The following LDLRAD3 variants were observed in gnomAD, a reference collection of about 807,000 sequenced individuals.
LDLRAD3 encodes low density lipoprotein receptor class A domain containing 3, also known as low-density lipoprotein receptor class A domain-containing protein 3.
In LDLRAD3, 20 loss-of-function variants were observed where a neutral mutation model predicts 29.4. The ratio of observed to expected loss-of-function variants is 0.68; its 90% CI spans 0.48 to 0.99. The LOEUF (loss-of-function observed/expected upper bound fraction) is 0.99. Ranked by LOEUF, LDLRAD3 falls within the 50% of genes least tolerant of loss-of-function variation. The pLI is 0.00. For missense variants in LDLRAD3, 420 were observed against 454.3 expected (o/e 0.92, Z 0.69); for synonymous variants, 157 against 192.7 (o/e 0.81, Z 1.53).
intron 1 of LDLRAD3, among the ~76,000 whole-genome samples, chr11:35,953,310 G>A (rs1207289839): frequency 2.0e-5 from 3 of 152,186 alleles, no homozygotes; most frequent in African/African-American, 4.8e-5. Flanking sequence ...TTGGGCATCC[G>A]GGTGCTGCAA....
chr11:36,192,752 G>C (rs942642375), intron 4 of LDLRAD3, among the ~76,000 whole-genome samples: 1 of 152,158 alleles, frequency 6.6e-6, no homozygotes, highest in African/African-American at 2.4e-5. Flanking sequence ...TGTCTCCCTG[G>C]AACCTTTTAG....
intron 1 of LDLRAD3, among the ~76,000 whole-genome samples, chr11:36,005,075 A>G (rs957559817): frequency 2.1e-4 from 32 of 152,324 alleles, no homozygotes; most frequent in African/African-American, 7.2e-4. Context: ...TGTCTTGGCT[A>G]TTGACATTCA....
chr11:36,103,546 T>C lies in LDLRAD3; in HGVS notation c.454+5085T>C, dbSNP rs570287791. On this transcript the variant is annotated intron_variant, in intron 4 of 5. Transcript: ENST00000315571. ...GAGCCACCGTGCCTGGCCCAGTATT[T>C]AATCATTCTTAAGTGTGTATGTGTC... is the stretch of plus-strand genomic sequence containing the variant. Among the ~76,000 whole-genome samples, 10 of 152,310 alleles carry C rather than the reference T, an allele frequency of 6.6e-5. 1 individual carries two copies. Among genetic ancestry groups the C allele is most frequent in the Middle Eastern group, 6.8e-3 (2 of 294 alleles).
At chr11:36,019,610 G>C (rs151154952) in intron 1 of LDLRAD3, among the ~76,000 whole-genome samples, 59 of 152,164 alleles carry the variant, frequency 3.9e-4, no homozygotes, top group African/African-American at 1.4e-3. Flanking sequence ...ACCCCTTTAG[G>C]CTCCTTCATT....
intron 4 of LDLRAD3, among the ~76,000 whole-genome samples, chr11:36,170,042 C>T (rs1320072562): frequency 1.3e-5 from 2 of 151,880 alleles, no homozygotes; most frequent in South Asian, 2.1e-4. Flanking sequence ...TCTCTGGATC[C>T]CCAGAGTGCA....
chr11:36,224,585 T>A (rs2133391783), intron 4 of LDLRAD3, among the ~76,000 whole-genome samples: 1 of 152,290 alleles, frequency 6.6e-6, no homozygotes, highest in South Asian at 2.1e-4. Context: ...TGATTCTGTT[T>A]TTCTGCTGGG....
intron 4 of LDLRAD3, among the ~76,000 whole-genome samples, chr11:36,178,040 G>C (rs1297933855): frequency 6.6e-6 from 1 of 152,180 alleles, no homozygotes; most frequent in Admixed American, 6.5e-5. Flanking sequence ...TGGCTTTCCT[G>C]CTGTGTTCCT....
chr11:36,210,046 A>G (rs1354044799), intron 4 of LDLRAD3, among the ~76,000 whole-genome samples: 1 of 152,244 alleles, frequency 6.6e-6, no homozygotes, highest in Non-Finnish European at 1.5e-5. Context: ...TGAATCATGC[A>G]TATTTTGCCT....
chr11:35,976,986 G>T (rs1405204769), intron 1 of LDLRAD3, among the ~76,000 whole-genome samples: 3 of 152,122 alleles, frequency 2.0e-5, no homozygotes, highest in African/African-American at 7.2e-5. Context: ...GGTTTTTTGG[G>T]TGTTACTGAT....
intron 2 of LDLRAD3, among the ~76,000 whole-genome samples, chr11:36,040,922 G>A (rs75031163): frequency 0.02 from 3,110 of 152,032 alleles, 69 homozygotes; most frequent in East Asian, 0.081. Flanking sequence ...TAGCTAGATT[G>A]AGTGTTTTCC....
At chr11:36,081,555 T>G in intron 2 of LDLRAD3, 98 bp from the exon 3 acceptor site, 1 of 1,495,652 alleles carries the variant, frequency 6.7e-7, no homozygotes, top group Non-Finnish European at 9.2e-7. Context: ...AAGATGAATC[T>G]TAAGTGGACT....
chr11:36,148,422 G>T (rs1398799157), intron 4 of LDLRAD3, among the ~76,000 whole-genome samples: 1 of 152,158 alleles, frequency 6.6e-6, no homozygotes, highest in Non-Finnish European at 1.5e-5. Flanking sequence ...GGTTCATTTG[G>T]TGGCAAATCC....
intron 1 of LDLRAD3, among the ~76,000 whole-genome samples, chr11:36,009,620 C>T (rs1851929768): frequency 1.3e-5 from 2 of 152,210 alleles, no homozygotes; most frequent in African/African-American, 2.4e-5. Flanking sequence ...CTGTCATGCA[C>T]CCTTATAAGT....
chr11:36,116,698 AT>A (rs1320616781), intron 4 of LDLRAD3, among the ~76,000 whole-genome samples: 1 of 151,984 alleles, frequency 6.6e-6, no homozygotes, highest in Non-Finnish European at 1.5e-5. Context: ...AAATAAAAAA[AT>A]AACAACTGGC....
At chr11:36,134,439 C>T (rs574649973) in intron 4 of LDLRAD3, among the ~76,000 whole-genome samples, 1 of 152,334 alleles carries the variant, frequency 6.6e-6, no homozygotes, top group South Asian at 2.1e-4. Flanking sequence ...CATAGATTCT[C>T]ACTCCATAGG....
At chr11:35,991,001 T>C (rs1028439700) in intron 1 of LDLRAD3, among the ~76,000 whole-genome samples, 1 of 152,188 alleles carries the variant, frequency 6.6e-6, no homozygotes, top group African/African-American at 2.4e-5. Flanking sequence ...TAGTTTCCAT[T>C]GTTCTGCTGT....
chr11:36,005,192 A>G (rs574980446), intron 1 of LDLRAD3, among the ~76,000 whole-genome samples: 1 of 152,338 alleles, frequency 6.6e-6, no homozygotes, highest in South Asian at 2.1e-4. Flanking sequence ...CCAAACTTTT[A>G]TGCTCTGCTT....
chr11:36,034,984 C>G (rs906368169), intron 1 of LDLRAD3, among the ~76,000 whole-genome samples: 1 of 152,182 alleles, frequency 6.6e-6, no homozygotes, highest in East Asian at 1.9e-4. Flanking sequence ...TCTGCTACCC[C>G]GAGGCGGGTC....
At chr11:36,136,850 C>T (rs1283147078) in intron 4 of LDLRAD3, among the ~76,000 whole-genome samples, 1 of 152,138 alleles carries the variant, frequency 6.6e-6, no homozygotes, top group African/African-American at 2.4e-5. Context: ...GCCACCACAG[C>T]TGGCTAATTT....
Sources: allele counts gnomAD v4.1 joint callset (sites outside exome capture counted in the v4.1 genomes callset), GRCh38; gene constraint gnomAD v4.1.1; transcripts MANE v1.5; gene names NCBI Gene and HGNC (gene_info 2026-07-23, HGNC 2026-07-21).